LARS1: variants seen among roughly 807,000 people sequenced by gnomAD.
LARS1 encodes the protein leucine--tRNA ligase, cytoplasmic.
Under a neutral mutation model 162.8 loss-of-function variants are expected in LARS1, and 100 were observed. The ratio of observed to expected loss-of-function variants is 0.61; its 90% CI spans 0.52 to 0.73. The LOEUF is 0.73. Among genes scored for constraint, LARS1 ranks in the 30% least tolerant of loss-of-function variants. The pLI, the probability that LARS1 is intolerant of heterozygous loss-of-function variation, is 0.00. For missense variants in LARS1, 1,258 were observed against 1,408.9 expected (o/e 0.89, Z 1.71); for synonymous variants, 457 against 462.8 (o/e 0.99, Z 0.16).
chr5:146,157,685 T>C, intron 9 of LARS1, 43 bp downstream of exon 9: 1 of 1,612,068 alleles, frequency 6.2e-7, no homozygotes, highest in Non-Finnish European at 8.5e-7. Context: ...AACAACTATC[T>C]GATGGTTCAG....
intron 15 of LARS1, 97 bp from the exon 16 acceptor site, chr5:146,144,806 A>G (rs1340453504): frequency 4.8e-6 from 5 of 1,046,598 alleles, no homozygotes; most frequent in East Asian, 5.0e-5. Flanking sequence ...TATACCACCA[A>G]TAACTGAAAG....
At chr5:146,179,851 C>G (rs916290049) in intron 1 of LARS1, among the ~76,000 whole-genome samples, 3 of 152,192 alleles carry the variant, frequency 2.0e-5, no homozygotes, top group Admixed American at 6.5e-5. Context: ...AATCCACCAG[C>G]CTTGGCTTTC....
chr5:146,175,804 G>T (rs1402043717), intron 2 of LARS1, among the ~76,000 whole-genome samples: 1 of 150,120 alleles, frequency 6.7e-6, no homozygotes, highest in Non-Finnish European at 1.5e-5. Flanking sequence ...CTCCAGCCTG[G>T]GTGACAGAGC....
At position 146,182,559 on chromosome 5, in the gene LARS1, T is replaced by C. The variant is rs1754921120; in HGVS notation, c.-66A>G. 1 of 1,608,886 alleles carries C rather than the reference T, an allele frequency of 6.2e-7. No homozygotes were observed. The highest frequency in any genetic ancestry group is 1.3e-5 in the African/African-American group (1 of 74,772). ...CTGGCGACCTCCACAAAGGAGTGGT[T>C]ACCTTTCCCCTCCCTCTCGGGGATG... On this transcript the variant is annotated 5_prime_UTR_variant, in exon 1 of 32. Transcript: ENST00000394434.
chr5:146,116,278 C>A (rs1414197051), intron 31 of LARS1, among the ~76,000 whole-genome samples: 1 of 152,174 alleles, frequency 6.6e-6, no homozygotes, highest in Non-Finnish European at 1.5e-5. Context: ...AAATATTTTG[C>A]TATAGATGCA....
intron 1 of LARS1, among the ~76,000 whole-genome samples, chr5:146,181,850 T>C (rs1218839107): frequency 3.7e-5 from 2 of 53,954 alleles, no homozygotes; most frequent in African/African-American, 1.6e-4. Context: ...AATTTTTTCT[T>C]TTTTTTTTTT....
At chr5:146,156,605 G>A (rs1008941451) in intron 10 of LARS1, among the ~76,000 whole-genome samples, 1 of 151,956 alleles carries the variant, frequency 6.6e-6, no homozygotes, top group Admixed American at 6.6e-5. Flanking sequence ...TGAGGCAGGA[G>A]AATCGTTTGA....
At chr5:146,168,882 A>G (rs964048804) in intron 4 of LARS1, among the ~76,000 whole-genome samples, 9 of 151,860 alleles carry the variant, frequency 5.9e-5, no homozygotes, top group African/African-American at 1.9e-4. Flanking sequence ...ATCATTTTGG[A>G]TAACATTAAT....
chr5:146,129,302 G>T (rs962455082), intron 25 of LARS1, among the ~76,000 whole-genome samples, 184 bp from the exon 26 acceptor site: 6 of 152,166 alleles, frequency 3.9e-5, no homozygotes, highest in Admixed American at 3.3e-4. Flanking sequence ...TTCAAGCTGT[G>T]AAGTCTGACT....
At chr5:146,137,751 A>G (rs1752576763) in intron 21 of LARS1, 1 of 297,450 alleles carries the variant, frequency 3.4e-6, no homozygotes, top group Non-Finnish European at 6.7e-6. Flanking sequence ...TTCTAAAAGG[A>G]AATATGGCTG....
At chr5:146,127,363 T>C (rs1214210339) in intron 27 of LARS1, among the ~76,000 whole-genome samples, 1 of 152,080 alleles carries the variant, frequency 6.6e-6, no homozygotes, top group African/African-American at 2.4e-5. Flanking sequence ...GTCACCAAAA[T>C]GGTGCCACAT....
At position 146,122,213 on chromosome 5, in the gene LARS1, T is replaced by C. The variant is rs115323323; in HGVS notation, c.3192+279A>G. Among the ~76,000 whole-genome samples the C allele has an allele frequency of 3.9e-3, 594 of 152,220 alleles. 10 individuals carry two copies. Among genetic ancestry groups the C allele is most frequent in the African/African-American group, 0.013 (524 of 41,560 alleles). On this transcript the variant is annotated intron_variant, in intron 30 of 31. Transcript: ENST00000394434. ...AGTATTTTTAAATAAAAACCAGATT[T>C]TGAAAATCATACTTTCTATTTTTAA...
In LARS1 at chr5:146,144,443, T is replaced by C. The variant is rs1310560151; in HGVS notation, c.1655+29A>G. 6 of 1,605,124 alleles carry C rather than the reference T, an allele frequency of 3.7e-6. No homozygotes were observed. The South Asian group carries it at 6.7e-5, about 18-fold the overall frequency. On this transcript the variant is annotated intron_variant, in intron 17 of 31. Transcript: ENST00000394434. ...GTTTCCACATTTTTCATCTCCTTTT[T>C]CCTCCTTCATCACTTTCTCCCATCT...
At chr5:146,131,271 A>C in intron 23 of LARS1, 162 bp from the exon 24 acceptor site, 1 of 482,848 alleles carries the variant, frequency 2.1e-6, no homozygotes, top group South Asian at 3.3e-5. Flanking sequence ...AGAACATTTA[A>C]AACTGCTCAA....
At position 146,114,133 on chromosome 5, in the gene LARS1, G is replaced by A. The variant is rs201583773; in HGVS notation, c.3504C>T (p.Gly1168=). Residue 1168 remains glycine (G), a synonymous_variant, in exon 32 of 32, where the codon GGC becomes GGT. Coordinates refer to ENST00000394434, the MANE Select transcript of LARS1 (RefSeq NM_020117.11). ...LTENGIRVDI[G]DTIIYLVH ...AATGAACCAGATAGATTATTGTATC[G>A]CCAATATCCACCCTTATCCCATTCT... 3.2e-5 allele frequency: 51 copies of A among 1,613,276 alleles called. 1 individual carries two copies. Among genetic ancestry groups the A allele is most frequent in the Admixed American group, 1.2e-4 (7 of 59,970 alleles).
At chr5:146,181,504 A>C (rs535800552) in intron 1 of LARS1, among the ~76,000 whole-genome samples, 20 of 152,114 alleles carry the variant, frequency 1.3e-4, no homozygotes, top group African/African-American at 4.3e-4. Context: ...AATACAAAAA[A>C]TTAGCAGGGT....
At chr5:146,127,573 T>TA (rs1426490465) in intron 27 of LARS1, among the ~76,000 whole-genome samples, 4 of 152,076 alleles carry the variant, frequency 2.6e-5, no homozygotes, top group African/African-American at 9.7e-5. Context: ...AGACATTACA[T>TA]ATTATATTTG....
intron 20 of LARS1, 23 bp downstream of exon 20, chr5:146,142,849 T>C (rs1326459242): frequency 3.8e-6 from 6 of 1,573,944 alleles, no homozygotes; most frequent in Admixed American, 1.7e-5. Flanking sequence ...ATAAATCTAG[T>C]CCACACCTAT....
At chr5:146,172,918 A>G in intron 2 of LARS1, 144 bp from the exon 3 acceptor site, 8 of 425,432 alleles carry the variant, frequency 1.9e-5, no homozygotes. Context: ...TTATAAATCT[A>G]CAAATTTAAA....
Sources: allele counts gnomAD v4.1 joint callset (sites outside exome capture counted in the v4.1 genomes callset), GRCh38; gene constraint gnomAD v4.1.1; transcripts MANE v1.5; gene names NCBI Gene and HGNC (gene_info 2026-07-23, HGNC 2026-07-21).